BBOF1: variants seen among roughly 807,000 people sequenced by gnomAD.
BBOF1 encodes basal body orientation factor 1.
BBOF1 carries 62 observed loss-of-function variants against 68.0 expected under a neutral mutation model. That is an observed-to-expected ratio of 0.91 (90% CI 0.74 to 1.13). The LOEUF (loss-of-function observed/expected upper bound fraction) is 1.13. Ranked by LOEUF, BBOF1 falls within the 50% of genes most tolerant of loss-of-function variation. BBOF1 has a pLI of 0.00. For synonymous variants in BBOF1, 208 were observed against 198.8 expected (o/e 1.05, Z -0.39); for missense variants, 534 against 600.1 (o/e 0.89, Z 1.15).
intron 7 of BBOF1, among the ~76,000 whole-genome samples, chr14:74,049,380 A>T (rs1261799851): frequency 3.0e-5 from 1 of 33,614 alleles, no homozygotes; most frequent in Non-Finnish European, 5.3e-5. Flanking sequence ...TGGAATGATT[A>T]AAAAAAAAAT....
At position 74,057,195 on chromosome 14, in the gene BBOF1, A is replaced by G. The variant is rs1306764171; in HGVS notation, c.1515A>G (p.Ile505Met). ...TCTTCATCACCCAGCAAATTGCAAT[A>G]TCAGACTCTTCTGGTGAAGTGGTGC... is the stretch of plus-strand genomic sequence containing the variant. ...DKIFITQQIA[I>M]SDSSGEVVLP... Residue 505 changes from isoleucine (I) to methionine (M), a missense_variant, in exon 11 of 12, where the codon ATA becomes ATG. By Grantham distance (10) the Ile-to-Met change is conservative. Transcript: ENST00000394009. The G allele has an allele frequency of 2.5e-6, 4 of 1,614,076 alleles. No homozygotes were observed. The highest frequency in any genetic ancestry group is 3.4e-6 in the Non-Finnish European group (4 of 1,179,934).
At chr14:74,081,252 C>T (rs1215779123) in exon 12 of BBOF1, 2 of 152,140 alleles carry the variant, frequency 1.3e-5, no homozygotes, top group Non-Finnish European at 2.9e-5. Flanking sequence ...GTCCCCAGCC[C>T]CTAGCACAAT....
At position 74,019,462 on chromosome 14, in the gene BBOF1, C is replaced by T. The variant is rs552037820; in HGVS notation, c.-17C>T. The T allele has an allele frequency of 2.9e-5, 46 of 1,599,498 alleles. No homozygotes were observed. Among genetic ancestry groups the T allele is most frequent in the Middle Eastern group, 1.7e-4 (1 of 6,030 alleles). On this transcript the variant is annotated 5_prime_UTR_variant, in exon 1 of 12. Transcript: ENST00000394009. ...CGGCTGGGCAACTACGACAGCGGAG[C>T]CCCTGGGGAAGCCAAGATGCCGTCG...
chr14:74,057,839 C>A, intron 11 of BBOF1: 1 of 1,034,302 alleles, frequency 9.7e-7, no homozygotes. Flanking sequence ...AAACTCTGAG[C>A]AGCAAATAGT....
At chr14:74,030,730 C>G (rs1295173739) in intron 3 of BBOF1, among the ~76,000 whole-genome samples, 1 of 152,044 alleles carries the variant, frequency 6.6e-6, no homozygotes, top group Non-Finnish European at 1.5e-5. Flanking sequence ...ATCTCCTGAC[C>G]TCATGATCCG....
intron 2 of BBOF1, among the ~76,000 whole-genome samples, chr14:74,026,839 C>T (rs1247564823): frequency 6.6e-6 from 1 of 151,604 alleles, no homozygotes; most frequent in Non-Finnish European, 1.5e-5. Context: ...ACAGGAGAAT[C>T]GCTTGAACCC....
intron 7 of BBOF1, 93 bp downstream of exon 7, chr14:74,048,167 G>A: frequency 8.2e-7 from 1 of 1,214,004 alleles, no homozygotes. Context: ...TGATATATAA[G>A]GACAATGAGA....
intron 9 of BBOF1, among the ~76,000 whole-genome samples, chr14:74,076,193 T>C (rs866148112): frequency 6.6e-5 from 10 of 152,092 alleles, no homozygotes; most frequent in Admixed American, 2.0e-4. Flanking sequence ...CAGATTGTTT[T>C]GTGTCAATTT....
At chr14:74,031,104 TTTTTC>T (rs1185199691) in intron 3 of BBOF1, among the ~76,000 whole-genome samples, 1 of 150,086 alleles carries the variant, frequency 6.7e-6, no homozygotes, top group Non-Finnish European at 1.5e-5. Context: ...AGACATTCCC[TTTTTC>T]TTTTCTTTTC....
At chr14:74,075,135 G>A (rs2060597783) in intron 9 of BBOF1, 3 of 843,368 alleles carry the variant, frequency 3.6e-6, no homozygotes, top group Non-Finnish European at 3.9e-6. Flanking sequence ...TCTCTCAAAG[G>A]CCATACAGTC....
chr14:74,056,902 A>G lies in BBOF1; in HGVS notation c.1389-4A>G. 6.2e-7 allele frequency: 1 copy of G among 1,607,488 alleles called. No homozygotes were observed. Among genetic ancestry groups the G allele is most frequent in the South Asian group, 1.1e-5 (1 of 90,876 alleles). ...TTATCTTTGTTGACTTTTACCCACT[A>G]CAGGAAATACAACCAGAGTTCTAGG... On this transcript the variant is annotated splice_region_variant and splice_polypyrimidine_tract_variant and intron_variant, in intron 9 of 11. Transcript: ENST00000394009.
chr14:74,034,357 T>C (rs1226836903), intron 4 of BBOF1, among the ~76,000 whole-genome samples, 186 bp downstream of exon 4: 3 of 152,214 alleles, frequency 2.0e-5, no homozygotes, highest in Non-Finnish European at 2.9e-5. Flanking sequence ...CTTCTCTTTT[T>C]CTAAGCATTG....
At chr14:74,053,541 C>CT (rs1441116331) in intron 8 of BBOF1, among the ~76,000 whole-genome samples, 3 of 150,706 alleles carry the variant, frequency 2.0e-5, no homozygotes, top group East Asian at 3.9e-4. Context: ...GTAGCTAGGA[C>CT]TACAGGCATG....
At chr14:74,023,637 C>T (rs898927928) in intron 2 of BBOF1, among the ~76,000 whole-genome samples, 2 of 151,904 alleles carry the variant, frequency 1.3e-5, no homozygotes, top group Non-Finnish European at 2.9e-5. Context: ...AAAAGGAGGC[C>T]GGGTGTGGTG....
At chr14:74,053,368 C>T (rs1188632741) in intron 8 of BBOF1, among the ~76,000 whole-genome samples, 1 of 151,874 alleles carries the variant, frequency 6.6e-6, no homozygotes, top group Non-Finnish European at 1.5e-5. Context: ...GCCTCGGCCT[C>T]CCAAAGTGCT....
chr14:74,055,220 C>T, intron 8 of BBOF1: 1 of 206,206 alleles, frequency 4.8e-6, no homozygotes, highest in South Asian at 6.3e-5. Flanking sequence ...GCGATCTCAG[C>T]TTACTGCAGC....
rs1566797609 is a variant in BBOF1, at chr14:74,034,088, GA to G, written c.415del (p.Ile139LeufsTer3). On this transcript the variant is annotated frameshift_variant, in exon 4 of 12. Transcript: ENST00000394009. LOFTEE classifies it high-confidence loss of function. Reference protein sequence around the residue: ...LEGQFHQKAKEIGMIHTELKA... With the variant: ...LEGQFHQKAKXIGMIHTELKA... Reference sequence around the variant, plus strand: ...GGGACAGTTCCATCAAAAAGCCAAAGAAATTGGCATGATTCACACAGAGCTG... The same window carrying G: ...GGGACAGTTCCATCAAAAAGCCAAAGAATTGGCATGATTCACACAGAGCTG... 1 of 1,607,644 alleles carries G rather than the reference GA, an allele frequency of 6.2e-7. No individual in the cohort carries two copies. Among genetic ancestry groups the G allele is most frequent in the Admixed American group, 1.7e-5 (1 of 58,998 alleles).
intron 9 of BBOF1, among the ~76,000 whole-genome samples, chr14:74,076,736 G>C (rs1354106165): frequency 6.6e-6 from 1 of 152,016 alleles, no homozygotes; most frequent in African/African-American, 2.4e-5. Context: ...TTTTAGTAGA[G>C]ATGGGGTTTC....
rs113554199 is a variant in BBOF1 at position 74,075,798 on chromosome 14, T to C, written n.1380-2398T>C. Among the ~76,000 whole-genome samples, 300 of 152,354 alleles carry C rather than the reference T, an allele frequency of 2.0e-3. 2 individuals carry two copies. The highest frequency in any genetic ancestry group is 6.9e-3 in the African/African-American group (287 of 41,580). On this transcript the variant is annotated intron_variant and non_coding_transcript_variant, in intron 9 of 12. Transcript: ENST00000492026. ...AAATGAATGTTCATAAGAACTTTAT[T>C]TGTAGTAGCCCAAAACTTGGAAACA...
Sources: allele counts gnomAD v4.1 joint callset (sites outside exome capture counted in the v4.1 genomes callset), GRCh38; gene constraint gnomAD v4.1.1; transcripts MANE v1.5; gene names NCBI Gene and HGNC (gene_info 2026-07-23, HGNC 2026-07-21).